Variants in TRMT9B observed in about 807,000 individuals in gnomAD.
The protein encoded by TRMT9B is tRNA methyltransferase 9B (putative).
In TRMT9B, 16 loss-of-function variants were observed where a neutral mutation model predicts 11.5. That is an observed-to-expected ratio of 1.39 (90% CI 0.94 to 2.11). The LOEUF is 2.11. TRMT9B is among the 30% of genes most tolerant of loss of function. The pLI is 0.00. For missense variants in TRMT9B, 941 were observed against 553.8 expected, an observed-to-expected ratio of 1.70 and a Z score of -7.02; for synonymous variants, 274 against 192.4, an observed-to-expected ratio of 1.42 and a Z score of -3.51.
rs920716757 is a variant in TRMT9B, at chr8:13,028,202, A to C, written c.*6158A>C. 2.4e-5 allele frequency: 4 copies of C among 167,118 alleles called. No homozygotes were observed. The highest frequency in any genetic ancestry group is 9.6e-5 in the African/African-American group (4 of 41,462). 10.4% of individuals were successfully genotyped at this position (167,118 alleles called of 1,614,324 possible). A position where few individuals can be genotyped will look rare whatever the true frequency, so the allele number is the denominator to read the frequency against. Reference sequence around the variant, plus strand: ...TGGTGCGGGTCTTCCCCAGTTGATTATACACAGATAATCAATGACTTTATT... The same window carrying C: ...TGGTGCGGGTCTTCCCCAGTTGATTCTACACAGATAATCAATGACTTTATT... On this transcript the variant is annotated 3_prime_UTR_variant, in exon 5 of 5. Transcript: ENST00000524591.
chr8:13,018,867 G>A (rs1393293655), intron 4 of TRMT9B, among the ~76,000 whole-genome samples: 1 of 152,178 alleles, frequency 6.6e-6, no homozygotes. Context: ...TCAACACTAT[G>A]TTTGGAGGCG....
intron 1 of TRMT9B, among the ~76,000 whole-genome samples, chr8:12,964,741 G>GTTTT (rs1554511436): frequency 8.3e-6 from 1 of 120,270 alleles, no homozygotes; most frequent in Non-Finnish European, 1.9e-5. Flanking sequence ...CCAGGCTAAT[G>GTTTT]TTTTTTGTTT....
chr8:12,966,999 C>G (rs1235769129), intron 1 of TRMT9B, among the ~76,000 whole-genome samples: 1 of 152,304 alleles, frequency 6.6e-6, no homozygotes, highest in African/African-American at 2.4e-5. Flanking sequence ...ACTCACCTTC[C>G]TTACAGACAC....
At chr8:12,965,601 G>A (rs535872449) in intron 1 of TRMT9B, among the ~76,000 whole-genome samples, 9 of 151,368 alleles carry the variant, frequency 5.9e-5, no homozygotes, top group African/African-American at 1.7e-4. Flanking sequence ...ATCCCAAAAG[G>A]CTTAGTTGTC....
In TRMT9B at chr8:13,006,303, G is replaced by A. The variant is rs748714155; in HGVS notation, c.101G>A (p.Arg34His). Residue 34 changes from arginine (R) to histidine (H), a missense_variant, in exon 3 of 5, where the codon CGT (arginine) becomes CAT (histidine). By Grantham distance (29) the Arg-to-His change is conservative (BLOSUM62 0). Transcript: ENST00000524591. ...FSDLQSKAWP[R>H]VRQFLQEQKP... ...GACCTGCAGAGCAAAGCCTGGCCTC[G>A]TGTCCGCCAGTTCCTGCAAGAGCAG... is the stretch of plus-strand genomic sequence containing the variant. The A allele has an allele frequency of 1.9e-6, 3 of 1,613,720 alleles. No homozygotes were observed. Among genetic ancestry groups the A allele is most frequent in the South Asian group, 2.2e-5 (2 of 91,036 alleles).
At chr8:12,982,438 G>A (rs536085856) in intron 1 of TRMT9B, among the ~76,000 whole-genome samples, 1 of 152,266 alleles carries the variant, frequency 6.6e-6, no homozygotes, top group South Asian at 2.1e-4. Context: ...GAGGTAGGTG[G>A]ATCACTTGAG....
At chr8:12,969,149 G>C (rs1803233353) in intron 1 of TRMT9B, among the ~76,000 whole-genome samples, 1 of 152,174 alleles carries the variant, frequency 6.6e-6, no homozygotes, top group South Asian at 2.1e-4. Context: ...GGAGATTGCA[G>C]TGAGCTGAGA....
chr8:13,018,575 A>G (rs559041652), intron 4 of TRMT9B, among the ~76,000 whole-genome samples: 1 of 152,210 alleles, frequency 6.6e-6, no homozygotes, highest in Non-Finnish European at 1.5e-5. Context: ...TACAGTAGTC[A>G]TGTTCTATAA....
intron 1 of TRMT9B, among the ~76,000 whole-genome samples, chr8:12,964,339 C>T (rs1474223358): frequency 6.6e-6 from 1 of 152,172 alleles, no homozygotes. Context: ...TAGATGGCCT[C>T]CTAGCTTCTG....
chr8:13,004,560 C>T (rs1277694400), intron 2 of TRMT9B, among the ~76,000 whole-genome samples: 1 of 152,074 alleles, frequency 6.6e-6, no homozygotes, highest in Admixed American at 6.5e-5. Context: ...TAGACACACC[C>T]TGGGCCAGAA....
chr8:13,018,633 C>A (rs1470595846), intron 4 of TRMT9B, among the ~76,000 whole-genome samples: 1 of 152,094 alleles, frequency 6.6e-6, no homozygotes, highest in African/African-American at 2.4e-5. Flanking sequence ...TATAGAATCC[C>A]AAGAGGCATA....
In TRMT9B at chr8:13,022,041, T is replaced by C. The variant is rs1814051412; in HGVS notation, c.1362T>C (p.Asp454=). ...CIIAEKKRGC[D] ...TTGCAGAGAAAAAGAGAGGTTGTGA[T>C]TGATTGGATCCTTTTAGACAACTCC... The change falls in exon 5 of 5, where the codon GAT becomes GAC. Residue 454 remains aspartate (D), a synonymous_variant. Coordinates refer to ENST00000524591, the MANE Select transcript of TRMT9B (RefSeq NM_020844.3). 1 of 1,571,094 alleles carries C rather than the reference T, an allele frequency of 6.4e-7. No individual in the cohort carries two copies. The highest frequency in any genetic ancestry group is 8.6e-7 in the Non-Finnish European group (1 of 1,160,500).
intron 4 of TRMT9B, among the ~76,000 whole-genome samples, chr8:13,016,178 T>C (rs1209014526): frequency 1.2e-5 from 1 of 82,446 alleles, no homozygotes; most frequent in Non-Finnish European, 2.5e-5. Flanking sequence ...TAAACATATA[T>C]AAATATAAAT....
chr8:13,006,656 C>G, intron 3 of TRMT9B: 1 of 1,349,110 alleles, frequency 7.4e-7, no homozygotes, highest in Non-Finnish European at 9.5e-7. Context: ...AAAAAACTTT[C>G]TCAAACTTTT....
chr8:12,964,969 G>A (rs543895624), intron 1 of TRMT9B, among the ~76,000 whole-genome samples: 24 of 152,108 alleles, frequency 1.6e-4, no homozygotes, highest in African/African-American at 5.1e-4. Context: ...TATGAAAACC[G>A]AAAAAATTAA....
At chr8:12,956,678 T>G (rs57861089) in intron 1 of TRMT9B, among the ~76,000 whole-genome samples, 3,516 of 152,328 alleles carry the variant, frequency 0.023, 48 homozygotes, top group South Asian at 0.04. Context: ...TTTCATTAGA[T>G]GAATTATCTG....
In TRMT9B at chr8:12,983,736, G is replaced by C. The variant is rs898568186; in HGVS notation, c.-199-7098G>C. The stretch of plus-strand genomic sequence containing the variant: ...CTCATCCCTAGAGGCCCCTCTTTTT[G>C]GTCCCTCAACTGCTTCTGATGTTGC... On this transcript the variant is annotated intron_variant, in intron 1 of 4. Transcript: ENST00000524591. 1.3e-5 allele frequency among the ~76,000 whole-genome samples: 2 copies of C among 151,978 alleles called. 1 individual carries two copies. The highest frequency in any genetic ancestry group is 4.2e-4 in the South Asian group (2 of 4,812).
In TRMT9B at chr8:13,012,839, G is replaced by A; in HGVS notation, c.310G>A (p.Ala104Thr). 1 of 1,613,812 alleles carries A rather than the reference G, an allele frequency of 6.2e-7. No homozygotes were observed. The highest frequency in any genetic ancestry group is 8.5e-7 in the Non-Finnish European group (1 of 1,179,844). The change falls in exon 4 of 5, where the codon GCC becomes ACC. Residue 104 changes from alanine to threonine, a missense_variant. Physicochemically the swap from Ala to Thr is moderately conservative, Grantham distance 58 (BLOSUM62 0). Transcript: ENST00000524591. ...CCCCTTTAGGGATGAGGGCTTCGAT[G>A]CCATCATCTCCATAGGAGGTAAGGC... ...NLPFRDEGFD[A>T]IISIGVIHHF...
intron 3 of TRMT9B, among the ~76,000 whole-genome samples, chr8:13,009,703 A>C (rs1811228427): frequency 6.6e-6 from 1 of 152,208 alleles, no homozygotes; most frequent in Non-Finnish European, 1.5e-5. Context: ...CTTTTAATAT[A>C]TTGAGGAAAT....
Sources: gnomAD v4.1 joint callset for allele counts (sites outside exome capture counted in the v4.1 genomes callset) on GRCh38, gnomAD v4.1.1 for gene constraint, MANE v1.5 for transcripts, NCBI Gene and HGNC (gene_info 2026-07-23, HGNC 2026-07-21) for gene names.